Variants in MCM5 observed in about 807,000 individuals in gnomAD.
MCM5 encodes DNA replication licensing factor MCM5.
A neutral mutation model predicts 79.9 loss-of-function variants in MCM5; 46 were observed. That is an observed-to-expected ratio of 0.58 (90% CI 0.45 to 0.74). The LOEUF (loss-of-function observed/expected upper bound fraction) is 0.74, where lower values mean the gene tolerates loss of function less well. Among genes scored for constraint, MCM5 ranks in the 30% least tolerant of loss-of-function variants. The pLI is 0.00. For synonymous variants in MCM5, 404 were observed against 390.5 expected (o/e 1.03, Z -0.41); for missense variants, 883 against 1,017.0 (o/e 0.87, Z 1.79).
rs763462195 is a variant in MCM5, at chr22:35,417,841, T to C, written c.1688T>C (p.Ile563Thr). The C allele has an allele frequency of 1.2e-6, 2 of 1,613,754 alleles. No homozygotes were observed. The highest frequency in any genetic ancestry group is 8.5e-7 in the Non-Finnish European group (1 of 1,179,780). ...GACCTGGCCAAGCTGAAGAAGTTTA[T>C]TGCCTACTGCCGAGTGTGAGTCCTG... ...EIDLAKLKKF[I>T]AYCRVKCGPR... The change falls in exon 13 of 17, where the codon ATT (isoleucine) becomes ACT (threonine). Residue 563 changes from isoleucine to threonine, a missense_variant. This residue lies in a region of MCM5 where 426 missense variants were observed against 482.3 expected (regional missense o/e 0.88). Coordinates refer to ENST00000216122, the MANE Select transcript of MCM5 (RefSeq NM_006739.4).
At chr22:35,413,672 T>G in intron 8 of MCM5, among the ~76,000 whole-genome samples, 1 of 152,194 alleles carries the variant, frequency 6.6e-6, no homozygotes, top group African/African-American at 2.4e-5. Context: ...CTGTCCTCAT[T>G]GCTAGGCAAG....
In MCM5 at chr22:35,417,764, C is replaced by T; in HGVS notation, c.1611C>T (p.Ile537=). The change falls in exon 13 of 17, where the codon ATC becomes ATT. Residue 537 remains isoleucine, a synonymous_variant. Coordinates refer to ENST00000216122, the MANE Select transcript of MCM5 (RefSeq NM_006739.4). The part of the protein sequence containing the change: ...ERDVMLAKHV[I]TLHVSALTQT... The stretch of plus-strand genomic sequence containing the variant: ...TCCAGATGCTGGCCAAGCATGTCAT[C>T]ACTCTGCACGTGAGCGCACTGACAC... The T allele has an allele frequency of 6.2e-7, 1 of 1,613,908 alleles. No individual in the cohort carries two copies. Among genetic ancestry groups the T allele is most frequent in the Non-Finnish European group, 8.5e-7 (1 of 1,179,794 alleles).
the MCM5 span, among the ~76,000 whole-genome samples, chr22:35,444,054 G>A: frequency 3.9e-4 from 59 of 152,312 alleles, no homozygotes; most frequent in African/African-American, 1.3e-3. Context: ...TGCTACAAAG[G>A]AAGAGCCTTG....
At chr22:35,418,031 G>A (rs1186230205) in intron 13 of MCM5, among the ~76,000 whole-genome samples, 175 bp downstream of exon 13, 1 of 152,182 alleles carries the variant, frequency 6.6e-6, no homozygotes, top group Non-Finnish European at 1.5e-5. Context: ...GTAGCTCACT[G>A]GCTCTTGGCT....
At chr22:35,400,322 CGGCCGGGGGTCCCCCTGCTCCGGACTCAG>C in intron 1 of MCM5, 80 bp from the exon 2 acceptor site, 1 of 1,251,916 alleles carries the variant, frequency 8.0e-7, no homozygotes, top group Non-Finnish European at 1.2e-6. Flanking sequence ...TCCGGGAGCG[CGGCCGGGGGTCCCCCTGCTCCGGACTCAG>C]GGCAGGGACC....
intron 4 of MCM5, among the ~76,000 whole-genome samples, chr22:35,403,951 A>AC (rs397706232): frequency 1.3e-5 from 2 of 151,338 alleles, no homozygotes; most frequent in Admixed American, 6.6e-5. Flanking sequence ...CAAAAAAAAA[A>AC]CAAAAAAAAC....
chr22:35,442,333 T>A, the MCM5 span, among the ~76,000 whole-genome samples: 2 of 150,212 alleles, frequency 1.3e-5, no homozygotes, highest in Non-Finnish European at 3.0e-5. Context: ...CATCCATGGA[T>A]GGAGAAGTGT....
the MCM5 span, among the ~76,000 whole-genome samples, chr22:35,454,995 A>G: frequency 2.0e-5 from 3 of 151,852 alleles, no homozygotes; most frequent in Non-Finnish European, 4.4e-5. Context: ...ATAGTTTATA[A>G]TAATAGTTTA....
intron 4 of MCM5, among the ~76,000 whole-genome samples, chr22:35,404,091 G>A (rs1932143380): frequency 3.3e-5 from 5 of 152,102 alleles, no homozygotes; most frequent in Admixed American, 3.3e-4. Flanking sequence ...TAGCCTGGGT[G>A]ACAGAGCAAG....
intron 5 of MCM5, 113 bp from the exon 6 acceptor site, chr22:35,408,295 G>A: frequency 1.1e-6 from 1 of 918,928 alleles, no homozygotes. Context: ...TTATTCTGGA[G>A]ACCCCCATAA....
In MCM5 at chr22:35,424,246, C is replaced by T; in HGVS notation, c.2196C>T (p.Arg732=). Residue 732 remains arginine, a synonymous_variant, in exon 17 of 17, where the codon CGC becomes CGT. Transcript: ENST00000216122. ...QHRMQRKVLY[R]LK is the part of the protein sequence containing the mutation. ...GCATGCAGCGCAAGGTTCTCTACCGCCTCAAGTGAGTCGCGCCGCCTCACT... is the reference window on the plus strand; with the variant it reads ...GCATGCAGCGCAAGGTTCTCTACCGTCTCAAGTGAGTCGCGCCGCCTCACT... 6.5e-7 allele frequency: 1 copy of T among 1,545,676 alleles called. No homozygotes were observed. The highest frequency in any genetic ancestry group is 8.7e-7 in the Non-Finnish European group (1 of 1,143,690).
At chr22:35,454,876 A>G in the MCM5 span, among the ~76,000 whole-genome samples, 1 of 152,176 alleles carries the variant, frequency 6.6e-6, no homozygotes, top group South Asian at 2.1e-4. Flanking sequence ...GTCTCCACCC[A>G]CTAGATGCCA....
chr22:35,419,987 C>CGCT lies in MCM5; in HGVS notation c.1808_1810dup (p.Arg603_Ser604insCys), dbSNP rs752041743. The CGCT allele has an allele frequency of 6.2e-7, 1 of 1,612,248 alleles. No homozygotes were observed. Among genetic ancestry groups the CGCT allele is most frequent in the Admixed American group, 1.7e-5 (1 of 59,860 alleles). On this transcript the variant is annotated inframe_insertion, in exon 14 of 17. Transcript: ENST00000216122. ...TCAGCACGAGAGGGACAGTGACCGC[C>CGCT]GCTCCAGCATCCCCATCACTGTGCG... is the stretch of plus-strand genomic sequence containing the variant.
At chr22:35,424,067 A>G in intron 16 of MCM5, 87 bp from the exon 17 acceptor site, 2 of 848,476 alleles carry the variant, frequency 2.4e-6, no homozygotes, top group Non-Finnish European at 1.9e-6. Flanking sequence ...CCTGAGTACA[A>G]AGTTCCCCGT....
chr22:35,420,220 C>G (rs1379521879), intron 14 of MCM5, among the ~76,000 whole-genome samples: 1 of 152,204 alleles, frequency 6.6e-6, no homozygotes, highest in Non-Finnish European at 1.5e-5. Flanking sequence ...CCGGGCAAAC[C>G]TAGACCCCTC....
At chr22:35,405,959 C>T (rs1009965827) in intron 4 of MCM5, among the ~76,000 whole-genome samples, 27 of 150,874 alleles carry the variant, frequency 1.8e-4, no homozygotes, top group African/African-American at 5.4e-4. Context: ...TGCAGTAAGC[C>T]GAGATCCTGC....
At chr22:35,421,173 C>A in intron 14 of MCM5, 145 bp from the exon 15 acceptor site, 3 of 558,928 alleles carry the variant, frequency 5.4e-6, no homozygotes, top group Non-Finnish European at 9.0e-6. Context: ...TGACTAAGAT[C>A]AAAAGGGAGA....
At chr22:35,436,906 G>GC in the MCM5 span, among the ~76,000 whole-genome samples, 73,092 of 151,794 alleles carry the variant, frequency 0.48, 20,105 homozygotes, top group Non-Finnish European at 0.63. Context: ...GAGTCAGTTC[G>GC]CAGATGAGGA....
chr22:35,406,296 A>ACCCCCCCC lies in MCM5; in HGVS notation c.424-255_424-254insCCCCCCCC, dbSNP rs758388958. On this transcript the variant is annotated intron_variant, in intron 4 of 16. Coordinates refer to ENST00000216122, the MANE Select transcript of MCM5 (RefSeq NM_006739.4). ...TGCTTAGTGTATCTCTTGCCCTGCC[A>ACCCCCCCC]CCTCCCCCCCCAATTGTGCTGCGAG... is the stretch of plus-strand genomic sequence containing the variant. Among the ~76,000 whole-genome samples, 30 of 120,896 alleles carry ACCCCCCCC rather than the reference A, an allele frequency of 2.5e-4. 1 individual carries two copies. The highest frequency in any genetic ancestry group is 3.6e-4 in the African/African-American group (11 of 30,818). 79.3% of individuals were successfully genotyped at this position (120,896 alleles called of 152,430 possible).
Sources: allele counts gnomAD v4.1 joint callset (sites outside exome capture counted in the v4.1 genomes callset), GRCh38; gene constraint gnomAD v4.1.1; regional missense constraint gnomAD v4.1.1; transcripts MANE v1.5; gene names NCBI Gene and HGNC (gene_info 2026-07-23, HGNC 2026-07-21).